Variants in NEBL observed in about 807,000 individuals in gnomAD.
NEBL encodes LIM and SH3 protein 2.
NEBL carries 122 observed loss-of-function variants against 140.2 expected under a neutral mutation model. That is an observed-to-expected ratio of 0.87 (90% CI 0.75 to 1.01). The LOEUF (loss-of-function observed/expected upper bound fraction) is 1.01, where lower values mean the gene tolerates loss of function less well. Among genes scored for constraint, NEBL ranks in the 50% least tolerant of loss-of-function variants. The pLI, the probability that NEBL is intolerant of heterozygous loss-of-function variation, is 0.00. For missense variants in NEBL, 1,365 were observed against 1,231.3 expected, an observed-to-expected ratio of 1.11 and a Z score of -1.62; for synonymous variants, 436 against 398.9, an observed-to-expected ratio of 1.09 and a Z score of -1.11.
Position 21,205,511 on chromosome 10 carries a change from G to GA in NEBL, n.349-33035dup, listed in dbSNP as rs773067522. ...CATTGCAGAAGTATATTTTTAATATGAAAAAATACTCATGATGTAAGCAAA... is the reference window on the plus strand; with the variant it reads ...CATTGCAGAAGTATATTTTTAATATGAAAAAAATACTCATGATGTAAGCAAA... On this transcript the variant is annotated intron_variant and non_coding_transcript_variant, in intron 3 of 8. Coordinates refer to the NEBL transcript ENST00000675702. Among the ~76,000 whole-genome samples the GA allele has an allele frequency of 2.0e-5, 3 of 152,078 alleles. No individual in the cohort carries two copies. The East Asian group carries it at 5.8e-4, about 29-fold the overall frequency.
intron 2 of NEBL, among the ~76,000 whole-genome samples, chr10:21,122,396 C>A (rs942825973): frequency 1.3e-5 from 2 of 152,090 alleles, no homozygotes; most frequent in Non-Finnish European, 2.9e-5. Flanking sequence ...AAAACTCTAC[C>A]ATCTGTGTCT....
intron 7 of NEBL, among the ~76,000 whole-genome samples, chr10:20,866,516 C>T (rs926830955): frequency 6.6e-6 from 1 of 152,122 alleles, no homozygotes; most frequent in African/African-American, 2.4e-5. Flanking sequence ...AATATCTAAA[C>T]TCTTCTCAAA....
chr10:20,927,443 T>C (rs1018946897), intron 4 of NEBL, among the ~76,000 whole-genome samples: 2 of 152,180 alleles, frequency 1.3e-5, no homozygotes, highest in Non-Finnish European at 2.9e-5. Flanking sequence ...TCATCACTGA[T>C]AGTAAATAAG....
intron 3 of NEBL, among the ~76,000 whole-genome samples, chr10:20,986,707 A>T (rs1837270708): frequency 6.6e-6 from 1 of 152,234 alleles, no homozygotes; most frequent in Admixed American, 6.5e-5. Context: ...TTCTCATTTC[A>T]TGTTTAAATA....
chr10:20,964,577 T>C (rs1564464452), intron 3 of NEBL, among the ~76,000 whole-genome samples: 1 of 152,140 alleles, frequency 6.6e-6, no homozygotes, highest in Non-Finnish European at 1.5e-5. Flanking sequence ...AAGCCATTCA[T>C]GAGGGATCCG....
intron 13 of NEBL, among the ~76,000 whole-genome samples, chr10:20,839,496 C>A (rs1369778880): frequency 6.6e-6 from 1 of 152,124 alleles, no homozygotes; most frequent in East Asian, 1.9e-4. Flanking sequence ...TTCTCTCAAT[C>A]CATACCCTTG....
At chr10:21,114,040 A>G (rs1262839805) in intron 2 of NEBL, among the ~76,000 whole-genome samples, 1 of 152,084 alleles carries the variant, frequency 6.6e-6, no homozygotes, top group African/African-American at 2.4e-5. Flanking sequence ...CTAATATAAT[A>G]CACTTTTAAT....
chr10:21,196,399 C>A lies in NEBL; in HGVS notation n.349-23922G>T, dbSNP rs150520598. On this transcript the variant is annotated intron_variant and non_coding_transcript_variant, in intron 3 of 8. Coordinates refer to the NEBL transcript ENST00000675702. ...TGCTCTTGTTGCCCAGGGTGGAGTA[C>A]AATGGCACAATCTTGGATCACTGCA... Among the ~76,000 whole-genome samples the A allele has an allele frequency of 6.8e-4, 103 of 151,314 alleles. 8 individuals carry two copies. The East Asian group carries it at 0.02, about 29-fold the overall frequency.
At chr10:21,028,469 C>T (rs754034181) in intron 2 of NEBL, among the ~76,000 whole-genome samples, 2 of 152,044 alleles carry the variant, frequency 1.3e-5, no homozygotes, top group Non-Finnish European at 2.9e-5. Context: ...CATGCACAGG[C>T]ACACACACAA....
intron 3 of NEBL, among the ~76,000 whole-genome samples, chr10:21,244,775 T>C (rs916013520): frequency 3.3e-5 from 5 of 149,602 alleles, no homozygotes; most frequent in Admixed American, 2.0e-4. Flanking sequence ...CCGAGCAGGC[T>C]GAGGGCAGGA....
At chr10:21,063,899 A>AAATATT (rs1564498029) in intron 2 of NEBL, among the ~76,000 whole-genome samples, 3 of 151,186 alleles carry the variant, frequency 2.0e-5, no homozygotes, top group Non-Finnish European at 4.4e-5. Flanking sequence ...AAATAAATAT[A>AAATATT]AATATAAATA....
chr10:21,045,338 T>C (rs555294839), intron 2 of NEBL, among the ~76,000 whole-genome samples: 7 of 152,362 alleles, frequency 4.6e-5, no homozygotes, highest in African/African-American at 1.4e-4. Context: ...ATGTTCCTTT[T>C]GTTTTAGGTG....
intron 3 of NEBL, among the ~76,000 whole-genome samples, chr10:21,216,131 A>G (rs1305017136): frequency 6.6e-6 from 1 of 152,186 alleles, no homozygotes. Context: ...GGTACTGCTG[A>G]AACCCATCCT....
At chr10:21,271,653 G>A (rs1842861842) in intron 1 of NEBL, among the ~76,000 whole-genome samples, 1 of 151,532 alleles carries the variant, frequency 6.6e-6, no homozygotes, top group African/African-American at 2.4e-5. Flanking sequence ...AACCTCCTGA[G>A]CAGCTGGGAC....
At chr10:21,183,488 G>C (rs1841416848) in intron 3 of NEBL, among the ~76,000 whole-genome samples, 1 of 152,192 alleles carries the variant, frequency 6.6e-6, no homozygotes, top group Non-Finnish European at 1.5e-5. Context: ...AATTCAGGGA[G>C]GCTGCAGGGT....
At chr10:20,862,574 T>G (rs1843827616) in intron 7 of NEBL, among the ~76,000 whole-genome samples, 1 of 152,192 alleles carries the variant, frequency 6.6e-6, no homozygotes, top group Non-Finnish European at 1.5e-5. Flanking sequence ...AGTTCATACA[T>G]CTGTGTGTCT....
intron 2 of NEBL, among the ~76,000 whole-genome samples, chr10:21,155,212 T>C (rs1044184998): frequency 1.3e-5 from 2 of 152,094 alleles, no homozygotes; most frequent in Non-Finnish European, 2.9e-5. Flanking sequence ...CACAAAAAAA[T>C]TTTTTAGTAA....
intron 14 of NEBL, among the ~76,000 whole-genome samples, chr10:20,832,356 A>C (rs1840495379): frequency 1.3e-5 from 2 of 152,188 alleles, no homozygotes; most frequent in Non-Finnish European, 2.9e-5. Context: ...TCATTATTTG[A>C]GTCCTAGATC....
intron 16 of NEBL, 71 bp from the exon 17 acceptor site, chr10:20,828,705 G>T: frequency 3.1e-6 from 3 of 978,412 alleles, no homozygotes; most frequent in Non-Finnish European, 4.8e-6. Context: ...AGGGAGGGAG[G>T]CAGGAAAGGA....
Sources: gnomAD v4.1 joint callset for allele counts (sites outside exome capture counted in the v4.1 genomes callset) on GRCh38, gnomAD v4.1.1 for gene constraint, MANE v1.5 for transcripts, NCBI Gene and HGNC (gene_info 2026-07-23, HGNC 2026-07-21) for gene names.